SUSD5: variants seen among roughly 807,000 people sequenced by gnomAD.
SUSD5 encodes the protein sushi domain-containing protein 5.
In SUSD5, 33 loss-of-function variants were observed where a neutral mutation model predicts 29.5. That is an observed-to-expected ratio of 1.12 (90% CI 0.85 to 1.49). The LOEUF (loss-of-function observed/expected upper bound fraction) is 1.49. SUSD5 is among the 40% of genes most tolerant of loss of function. The pLI is 0.00. For synonymous variants in SUSD5, 308 were observed against 325.3 expected (o/e 0.95, Z 0.57); for missense variants, 776 against 800.6 (o/e 0.97, Z 0.37).
At chr3:33,195,358 T>C (rs1452193601) in intron 3 of SUSD5, among the ~76,000 whole-genome samples, 1 of 152,176 alleles carries the variant, frequency 6.6e-6, no homozygotes, top group African/African-American at 2.4e-5. Context: ...ATCAGTGATG[T>C]GCTGATAAAT....
chr3:33,217,526 A>G (rs2125635569), intron 1 of SUSD5, among the ~76,000 whole-genome samples: 1 of 152,342 alleles, frequency 6.6e-6, no homozygotes, highest in Non-Finnish European at 1.5e-5. Context: ...AAAGTTAAAA[A>G]TGTTTTGTCT....
At chr3:33,171,877 C>T (rs1171957526) in intron 4 of SUSD5, among the ~76,000 whole-genome samples, 1 of 152,160 alleles carries the variant, frequency 6.6e-6, no homozygotes, top group Non-Finnish European at 1.5e-5. Context: ...TTCTGTGACA[C>T]CTCAATTTCC....
intron 3 of SUSD5, among the ~76,000 whole-genome samples, chr3:33,207,504 C>T (rs79576712): frequency 0.038 from 5,853 of 152,250 alleles, 323 homozygotes; most frequent in African/African-American, 0.13. Flanking sequence ...AGCTCCCTCA[C>T]CCCAATCAGA....
chr3:33,155,243 G>GGACTCCC (rs2031024294), intron 4 of SUSD5, among the ~76,000 whole-genome samples: 3 of 152,300 alleles, frequency 2.0e-5, no homozygotes, highest in Non-Finnish European at 4.4e-5. Flanking sequence ...TAAGTAGACA[G>GGACTCCC]ACAAACCATA....
chr3:33,172,063 G>A (rs1257668375), intron 4 of SUSD5, among the ~76,000 whole-genome samples: 2 of 152,138 alleles, frequency 1.3e-5, no homozygotes, highest in South Asian at 2.1e-4. Flanking sequence ...CCAGTACAAC[G>A]AAGAGTGATT....
chr3:33,210,402 A>C (rs906546981), intron 2 of SUSD5, among the ~76,000 whole-genome samples: 15 of 152,132 alleles, frequency 9.9e-5, no homozygotes, highest in Non-Finnish European at 5.9e-5. Flanking sequence ...GTGAATTCAA[A>C]TCTCCAACCT....
At chr3:33,166,220 G>T (rs1331289455) in intron 4 of SUSD5, among the ~76,000 whole-genome samples, 1 of 152,108 alleles carries the variant, frequency 6.6e-6, no homozygotes, top group Non-Finnish European at 1.5e-5. Context: ...CAAAAACATT[G>T]CTTTGCTAAT....
intron 3 of SUSD5, among the ~76,000 whole-genome samples, chr3:33,206,304 G>A (rs946057010): frequency 2.0e-5 from 3 of 151,670 alleles, no homozygotes; most frequent in Middle Eastern, 3.4e-3. Context: ...AACCCAGAAG[G>A]TGGAGGCTGC....
At chr3:33,216,071 A>G (rs1039939062) in intron 1 of SUSD5, among the ~76,000 whole-genome samples, 2 of 152,142 alleles carry the variant, frequency 1.3e-5, no homozygotes, top group African/African-American at 4.8e-5. Context: ...TCAAATGAAT[A>G]ATAAAACGGA....
chr3:33,180,071 T>G (rs1025039585), intron 3 of SUSD5, among the ~76,000 whole-genome samples: 1 of 152,250 alleles, frequency 6.6e-6, no homozygotes, highest in Non-Finnish European at 1.5e-5. Context: ...ACTATGTTAC[T>G]GGTTTATATA....
At chr3:33,203,513 C>A (rs187527853) in intron 3 of SUSD5, among the ~76,000 whole-genome samples, 2 of 152,194 alleles carry the variant, frequency 1.3e-5, no homozygotes, top group African/African-American at 4.8e-5. Context: ...GACGCAGGGC[C>A]CTCGAGCACT....
intron 1 of SUSD5, among the ~76,000 whole-genome samples, chr3:33,217,669 C>T (rs2032448747): frequency 6.6e-6 from 1 of 151,932 alleles, no homozygotes; most frequent in African/African-American, 2.4e-5. Flanking sequence ...CCTTGGCTTT[C>T]CCCTTTTCCT....
At chr3:33,218,059 G>A (rs1229441108) in intron 1 of SUSD5, among the ~76,000 whole-genome samples, 1 of 152,204 alleles carries the variant, frequency 6.6e-6, no homozygotes, top group Non-Finnish European at 1.5e-5. Flanking sequence ...CAGAGAACCT[G>A]CCATAATCTG....
chr3:33,206,048 G>T (rs2032212770), intron 3 of SUSD5, among the ~76,000 whole-genome samples: 1 of 152,140 alleles, frequency 6.6e-6, no homozygotes, highest in Non-Finnish European at 1.5e-5. Flanking sequence ...CTCCCTCAGG[G>T]ATATGACCCT....
chr3:33,154,376 AGC>A (rs2031001535), intron 4 of SUSD5, among the ~76,000 whole-genome samples: 1 of 152,166 alleles, frequency 6.6e-6, no homozygotes, highest in African/African-American at 2.4e-5. Flanking sequence ...ACAAAAAAAT[AGC>A]CAGGCATGGT....
intron 3 of SUSD5, among the ~76,000 whole-genome samples, chr3:33,196,989 T>G (rs1024161143): frequency 3.3e-5 from 5 of 152,346 alleles, no homozygotes; most frequent in African/African-American, 1.2e-4. Flanking sequence ...TGGATAATAG[T>G]AAATTCCTGC....
At chr3:33,164,383 T>C (rs2031260121) in intron 4 of SUSD5, among the ~76,000 whole-genome samples, 1 of 152,124 alleles carries the variant, frequency 6.6e-6, no homozygotes, top group South Asian at 2.1e-4. Context: ...AAGTTTCAGA[T>C]TTACATGATG....
At chr3:33,160,248 T>A (rs2031153745) in intron 4 of SUSD5, among the ~76,000 whole-genome samples, 1 of 152,136 alleles carries the variant, frequency 6.6e-6, no homozygotes, top group Non-Finnish European at 1.5e-5. Context: ...GTGCTGAGAT[T>A]ACAGGCATGA....
intron 3 of SUSD5, among the ~76,000 whole-genome samples, chr3:33,187,710 T>A (rs542143059): frequency 6.6e-6 from 1 of 152,114 alleles, no homozygotes; most frequent in South Asian, 2.1e-4. Flanking sequence ...CATGCAGGTT[T>A]GTTACATATG....
Sources: allele counts gnomAD v4.1 joint callset (sites outside exome capture counted in the v4.1 genomes callset), GRCh38; gene constraint gnomAD v4.1.1; transcripts MANE v1.5; gene names NCBI Gene and HGNC (gene_info 2026-07-23, HGNC 2026-07-21).